Variants in BMPER observed in about 807,000 individuals in gnomAD.
The protein encoded by BMPER is BMP-binding endothelial regulator protein.
In BMPER, 45 loss-of-function variants were observed where a neutral mutation model predicts 87.3. The observed-to-expected ratio is 0.52, with a 90% CI of 0.41 to 0.66. The LOEUF is 0.66. Among genes scored for constraint, BMPER ranks in the 30% least tolerant of loss-of-function variants. BMPER has a pLI of 0.00. For missense variants in BMPER, 784 were observed against 867.5 expected, an observed-to-expected ratio of 0.90 and a Z score of 1.21; for synonymous variants, 326 against 316.2, an observed-to-expected ratio of 1.03 and a Z score of -0.33.
At chr7:34,120,501 C>G (rs1312463861) in intron 13 of BMPER, among the ~76,000 whole-genome samples, 1 of 152,040 alleles carries the variant, frequency 6.6e-6, no homozygotes, top group Admixed American at 6.5e-5. Flanking sequence ...CGGGTTCAAG[C>G]GATTCCTTTG....
At chr7:34,068,323 C>T (rs1449161192) in intron 11 of BMPER, among the ~76,000 whole-genome samples, 3 of 152,208 alleles carry the variant, frequency 2.0e-5, no homozygotes, top group Admixed American at 2.0e-4. Context: ...GCTTCCTTGT[C>T]ATTTTGTACA....
At chr7:33,982,036 A>G (rs1454365451) in intron 6 of BMPER, among the ~76,000 whole-genome samples, 1 of 152,200 alleles carries the variant, frequency 6.6e-6, no homozygotes, top group East Asian at 1.9e-4. Flanking sequence ...CTTGCTCTGA[A>G]AAATACAGGA....
chr7:33,920,481 A>G (rs1030586515), intron 2 of BMPER, among the ~76,000 whole-genome samples: 1 of 133,040 alleles, frequency 7.5e-6, no homozygotes, highest in African/African-American at 2.9e-5. Flanking sequence ...GCTGGAGTAC[A>G]GTGGTGCGAT....
chr7:34,052,547 C>A (rs936161835), intron 8 of BMPER, among the ~76,000 whole-genome samples: 12 of 152,188 alleles, frequency 7.9e-5, no homozygotes, highest in African/African-American at 2.7e-4. Context: ...ATAGACTGTA[C>A]TTATGCAGTA....
intron 13 of BMPER, among the ~76,000 whole-genome samples, chr7:34,114,973 A>G (rs1402266573): frequency 6.6e-6 from 1 of 152,242 alleles, no homozygotes; most frequent in Non-Finnish European, 1.5e-5. Context: ...GTCATTTACT[A>G]TGTGTTTTTA....
At chr7:33,941,717 C>T (rs994707211) in intron 3 of BMPER, among the ~76,000 whole-genome samples, 2 of 152,156 alleles carry the variant, frequency 1.3e-5, no homozygotes, top group Admixed American at 6.5e-5. Flanking sequence ...GTGATGTGAG[C>T]GATGGGGATC....
In BMPER at chr7:33,918,941, C is replaced by T. The variant is rs114427204; in HGVS notation, c.219+12038C>T. 8.6e-3 allele frequency among the ~76,000 whole-genome samples: 1,316 copies of T among 152,208 alleles called. 16 individuals are homozygous for T. Among genetic ancestry groups the T allele is most frequent in the African/African-American group, 0.029 (1,224 of 41,512 alleles). ...AGGAATCTACCCTTTTTGTGCATCT[C>T]ATTAGTCTGGGGTGGCTTCTGTTGG... is the stretch of plus-strand genomic sequence containing the variant. On this transcript the variant is annotated intron_variant, in intron 2 of 14. Transcript: ENST00000649409.
Position 33,937,513 on chromosome 7 carries a change from G to GGTGTGT in BMPER, c.319+144_319+149dup, listed in dbSNP as rs376953621. On this transcript the variant is annotated intron_variant, in intron 3 of 14. Coordinates refer to ENST00000649409, the MANE Select transcript of BMPER (RefSeq NM_001365308.1). ...GCACATGGGTGGGGAGGAGAAGTAGGGTGTGTGTGTGTGTGTGTGTGTGTA... is the reference window on the plus strand; with the variant it reads ...GCACATGGGTGGGGAGGAGAAGTAGGGTGTGTGTGTGTGTGTGTGTGTGTGTGTGTA... 1,150 of 734,092 alleles carry GGTGTGT rather than the reference G, an allele frequency of 1.6e-3. 4 individuals carry two copies. The highest frequency in any genetic ancestry group is 9.9e-3 in the African/African-American group (555 of 55,830). 45.5% of individuals were successfully genotyped at this position (734,092 alleles called of 1,614,324 possible). A position where few individuals can be genotyped will look rare whatever the true frequency, so the allele number is the denominator to read the frequency against.
intron 3 of BMPER, among the ~76,000 whole-genome samples, chr7:33,963,259 C>T (rs1029834579): frequency 6.6e-6 from 1 of 152,148 alleles, no homozygotes; most frequent in Non-Finnish European, 1.5e-5. Flanking sequence ...TAATATACCT[C>T]TCAATGCAAT....
chr7:33,910,383 A>G (rs1481219869), intron 2 of BMPER, among the ~76,000 whole-genome samples: 1 of 152,208 alleles, frequency 6.6e-6, no homozygotes, highest in Non-Finnish European at 1.5e-5. Context: ...GATAAATGAA[A>G]CTGAAGCCAT....
chr7:34,145,343 C>A (rs189123368), intron 14 of BMPER, among the ~76,000 whole-genome samples: 1 of 152,152 alleles, frequency 6.6e-6, no homozygotes, highest in African/African-American at 2.4e-5. Flanking sequence ...GTTGCGCCCC[C>A]ACCTCTGCAA....
Position 34,155,375 on chromosome 7 carries a change from T to C in BMPER, c.*2102T>C, listed in dbSNP as rs1244639785. ...ATGGTTATTTATAGCTCATGATTCA[T>C]CCAAGGACTGAGTTATTCTCCCCAT... On this transcript the variant is annotated 3_prime_UTR_variant, in exon 15 of 15. Transcript: ENST00000649409. 3 of 152,050 alleles carry C rather than the reference T, an allele frequency of 2.0e-5. No individual in the cohort carries two copies. Among genetic ancestry groups the C allele is most frequent in the East Asian group, 3.9e-4 (2 of 5,174 alleles). The allele number at this position is 152,050 out of a possible 1,614,324, so 9.4% of individuals were successfully genotyped here.
chr7:34,103,126 G>A (rs914927861), intron 13 of BMPER, among the ~76,000 whole-genome samples: 1 of 152,304 alleles, frequency 6.6e-6, no homozygotes, highest in African/African-American at 2.4e-5. Context: ...CAGGCTGTGG[G>A]ATGGGGGCTG....
At chr7:34,147,814 C>G (rs992771820) in intron 14 of BMPER, among the ~76,000 whole-genome samples, 3 of 152,140 alleles carry the variant, frequency 2.0e-5, no homozygotes, top group African/African-American at 4.8e-5. Flanking sequence ...TTTTAAAATA[C>G]ATATGTGCCC....
At chr7:33,911,978 G>T (rs1023396676) in intron 2 of BMPER, among the ~76,000 whole-genome samples, 15 of 152,144 alleles carry the variant, frequency 9.9e-5, no homozygotes, top group African/African-American at 3.6e-4. Context: ...CATGAACAAG[G>T]TTTGTCAGAA....
chr7:33,936,340 A>T (rs559175320), intron 2 of BMPER, among the ~76,000 whole-genome samples: 1 of 152,282 alleles, frequency 6.6e-6, no homozygotes, highest in Non-Finnish European at 1.5e-5. Flanking sequence ...AGGTGTGCAC[A>T]CATTTATATC....
At chr7:33,966,049 T>C (rs1238079460) in intron 3 of BMPER, among the ~76,000 whole-genome samples, 2 of 152,236 alleles carry the variant, frequency 1.3e-5, no homozygotes, top group African/African-American at 2.4e-5. Context: ...AAGTCCTATA[T>C]TTTAATTTTC....
chr7:33,979,611 C>G (rs984402580), intron 6 of BMPER, among the ~76,000 whole-genome samples: 22 of 152,144 alleles, frequency 1.4e-4, no homozygotes, highest in African/African-American at 5.3e-4. Flanking sequence ...AGCTGGCCAG[C>G]CTATTCTCGT....
chr7:34,029,392 C>A (rs150093434), intron 6 of BMPER, among the ~76,000 whole-genome samples: 1 of 152,044 alleles, frequency 6.6e-6, no homozygotes, highest in African/African-American at 2.4e-5. Context: ...CAGCAATCTC[C>A]ACCCCTGCCT....
Sources: gnomAD v4.1 joint callset for allele counts (sites outside exome capture counted in the v4.1 genomes callset) on GRCh38, gnomAD v4.1.1 for gene constraint, MANE v1.5 for transcripts, NCBI Gene and HGNC (gene_info 2026-07-23, HGNC 2026-07-21) for gene names.